The following RNGTT variants were observed in gnomAD, a reference collection of about 807,000 sequenced individuals.
RNGTT encodes the protein mRNA-capping enzyme.
In RNGTT, 33 loss-of-function variants were observed where a neutral mutation model predicts 79.3. The observed-to-expected ratio is 0.42, with a 90% CI of 0.32 to 0.56. RNGTT has a LOEUF of 0.56. Among genes scored for constraint, RNGTT ranks in the 20% least tolerant of loss-of-function variants. RNGTT has a pLI of 0.17. For synonymous variants in RNGTT, 222 were observed against 235.9 expected, an observed-to-expected ratio of 0.94 and a Z score of 0.54; for missense variants, 497 against 739.1, an observed-to-expected ratio of 0.67 and a Z score of 3.80.
intron 13 of RNGTT, among the ~76,000 whole-genome samples, chr6:88,697,933 A>ATATATGAAATACATATATATGATATC (rs1775745706): frequency 8.2e-6 from 1 of 122,180 alleles, no homozygotes; most frequent in Non-Finnish European, 1.6e-5. Flanking sequence ...TATATGATAT[A>ATATATGAAATACATATATATGATATC]TATATGAAAT....
intron 4 of RNGTT, among the ~76,000 whole-genome samples, chr6:88,928,203 C>G (rs116385493): frequency 6.6e-6 from 1 of 151,942 alleles, no homozygotes; most frequent in African/African-American, 2.4e-5. Context: ...TACAGCAAGA[C>G]TTTGTCTCAA....
chr6:88,769,285 C>T (rs746591825), intron 13 of RNGTT, among the ~76,000 whole-genome samples: 25 of 151,962 alleles, frequency 1.6e-4, no homozygotes, highest in Non-Finnish European at 3.4e-4. Flanking sequence ...CTCAGCCTCC[C>T]GAGTAGCTGG....
chr6:88,804,099 ACTC>A (rs1208772099), intron 11 of RNGTT, among the ~76,000 whole-genome samples: 1 of 152,022 alleles, frequency 6.6e-6, no homozygotes, highest in Non-Finnish European at 1.5e-5. Context: ...AAAATACATA[ACTC>A]CTCATGAGAT....
Position 88,751,428 on chromosome 6 carries a change from A to G in RNGTT, c.1439+18346T>C, listed in dbSNP as rs558772944. 2.6e-5 allele frequency among the ~76,000 whole-genome samples: 4 copies of G among 152,290 alleles called. No individual in the cohort carries two copies. In the South Asian group the frequency reaches 8.3e-4, roughly 32 times the overall value. On this transcript the variant is annotated intron_variant, in intron 13 of 15. Coordinates refer to ENST00000369485, the MANE Select transcript of RNGTT (RefSeq NM_003800.5). The stretch of plus-strand genomic sequence containing the variant: ...TCATGTAACTGCATAGTGGTCAGTA[A>G]AAATATTCTTGATACTAACATATTA...
chr6:88,663,329 T>C (rs1774260818), intron 14 of RNGTT, among the ~76,000 whole-genome samples: 1 of 151,920 alleles, frequency 6.6e-6, no homozygotes, highest in Admixed American at 6.5e-5. Context: ...GCATTAGAGG[T>C]GAGATGGCCA....
intron 13 of RNGTT, among the ~76,000 whole-genome samples, chr6:88,717,053 A>G (rs573819846): frequency 6.6e-6 from 1 of 152,352 alleles, no homozygotes; most frequent in African/African-American, 2.4e-5. Flanking sequence ...GGTGTGGGAC[A>G]GCCTCAAAAT....
Position 88,807,006 on chromosome 6 carries a change from C to A in RNGTT, c.1270-5374G>T, listed in dbSNP as rs367811381. Reference sequence around the variant, plus strand: ...AACGTAGGAACGAAAAAACAAAACACTGAATGTCCTCACTTATAAGTGGGA... The same window carrying A: ...AACGTAGGAACGAAAAAACAAAACAATGAATGTCCTCACTTATAAGTGGGA... On this transcript the variant is annotated intron_variant, in intron 11 of 15. Coordinates refer to ENST00000369485, the MANE Select transcript of RNGTT (RefSeq NM_003800.5). Among the ~76,000 whole-genome samples, 5 of 152,262 alleles carry A rather than the reference C, an allele frequency of 3.3e-5. No individual in the cohort carries two copies. In the South Asian group the frequency reaches 6.2e-4, roughly 19 times the overall value.
intron 2 of RNGTT, among the ~76,000 whole-genome samples, chr6:88,934,858 C>T (rs1480996065): frequency 6.6e-6 from 1 of 152,100 alleles, no homozygotes; most frequent in Admixed American, 6.5e-5. Flanking sequence ...AAGCAATCCT[C>T]CCACCTTGGC....
At chr6:88,679,936 A>C (rs1775026475) in intron 13 of RNGTT, among the ~76,000 whole-genome samples, 1 of 152,222 alleles carries the variant, frequency 6.6e-6, no homozygotes, top group South Asian at 2.1e-4. Context: ...GAACTATGCA[A>C]CGTCACTTCT....
At chr6:88,768,732 G>GT (rs1337971719) in intron 13 of RNGTT, among the ~76,000 whole-genome samples, 1 of 152,068 alleles carries the variant, frequency 6.6e-6, no homozygotes, top group Non-Finnish European at 1.5e-5. Context: ...TTGTTGTAAT[G>GT]TATTTACTTA....
intron 8 of RNGTT, among the ~76,000 whole-genome samples, chr6:88,885,359 G>A (rs1326415275): frequency 6.6e-6 from 1 of 152,186 alleles, no homozygotes; most frequent in East Asian, 1.9e-4. Flanking sequence ...TCAAAAGACA[G>A]GAGTCACTTG....
intron 14 of RNGTT, among the ~76,000 whole-genome samples, chr6:88,676,241 T>C (rs978911665): frequency 6.6e-6 from 1 of 152,120 alleles, no homozygotes; most frequent in African/African-American, 2.4e-5. Context: ...AGTCCAGAAA[T>C]AGATTCACAC....
chr6:88,929,841 T>A (rs528756839), intron 2 of RNGTT, among the ~76,000 whole-genome samples: 1 of 150,282 alleles, frequency 6.7e-6, no homozygotes, highest in Non-Finnish European at 1.5e-5. Flanking sequence ...CATATACATA[T>A]ACACACATAT....
intron 13 of RNGTT, among the ~76,000 whole-genome samples, chr6:88,689,929 G>A (rs1775420765): frequency 6.7e-6 from 1 of 149,582 alleles, no homozygotes; most frequent in African/African-American, 2.5e-5. Context: ...CCTTAACCAA[G>A]TAATTATGGT....
chr6:88,620,720 C>G (rs562672826), intron 14 of RNGTT, among the ~76,000 whole-genome samples: 1 of 152,232 alleles, frequency 6.6e-6, no homozygotes, highest in Admixed American at 6.5e-5. Context: ...CCCCAGAGAG[C>G]TACAGCAAAT....
chr6:88,883,479 T>TA (rs1295306755), intron 8 of RNGTT, among the ~76,000 whole-genome samples: 1 of 152,208 alleles, frequency 6.6e-6, no homozygotes, highest in East Asian at 1.9e-4. Flanking sequence ...AGGTGGTCAC[T>TA]ATCAGGATGA....
rs554017738 is a variant in RNGTT, at chr6:88,758,662, ATAATGTTCATTT to A, written c.1439+11100_1439+11111del. On this transcript the variant is annotated intron_variant, in intron 13 of 15. Coordinates refer to ENST00000369485, the MANE Select transcript of RNGTT (RefSeq NM_003800.5). The stretch of plus-strand genomic sequence containing the variant: ...GCTAGGTATAGTACTGAACTAGTAC[ATAATGTTCATTT>A]TATCCTCACTGCTGATGTTAACTCT... Among the ~76,000 whole-genome samples, 435 of 152,328 alleles carry A rather than the reference ATAATGTTCATTT, an allele frequency of 2.9e-3. 3 individuals carry two copies. The highest frequency in any genetic ancestry group is 0.01 in the African/African-American group (418 of 41,574).
intron 4 of RNGTT, among the ~76,000 whole-genome samples, chr6:88,927,705 A>C (rs1374836266): frequency 6.6e-6 from 1 of 151,624 alleles, no homozygotes; most frequent in Non-Finnish European, 1.5e-5. Context: ...GTGGTAGTGC[A>C]TGCCTGTAAT....
intron 11 of RNGTT, among the ~76,000 whole-genome samples, chr6:88,819,526 TAA>T (rs2127878729): frequency 6.6e-6 from 1 of 152,292 alleles, no homozygotes; most frequent in African/African-American, 2.4e-5. Flanking sequence ...TACTTTTGAG[TAA>T]AGAGTCCTAA....
Sources: allele counts gnomAD v4.1 joint callset (sites outside exome capture counted in the v4.1 genomes callset), GRCh38; gene constraint gnomAD v4.1.1; transcripts MANE v1.5; gene names NCBI Gene and HGNC (gene_info 2026-07-23, HGNC 2026-07-21).